Variants in PCDHGA7 observed in about 807,000 individuals in gnomAD.
The protein encoded by PCDHGA7 is protocadherin gamma subfamily A, 7.
In PCDHGA7, 44 loss-of-function variants were observed where a neutral mutation model predicts 58.3. The observed-to-expected ratio is 0.75, with a 90% CI of 0.59 to 0.97. The LOEUF is 0.97. Ranked by LOEUF, PCDHGA7 falls within the 50% of genes least tolerant of loss-of-function variation. The pLI is 0.00. For synonymous variants in PCDHGA7, 516 were observed against 504.2 expected (o/e 1.02, Z -0.31); for missense variants, 1,266 against 1,188.7 (o/e 1.06, Z -0.96).
intron 1 of PCDHGA7, chr5:141,392,892 G>A (rs2092623669): frequency 6.2e-7 from 1 of 1,613,702 alleles, no homozygotes; most frequent in Non-Finnish European, 8.5e-7. Context: ...GTGGGAAATC[G>A]GGAGGGGACA....
In PCDHGA7 at chr5:141,384,438, C is replaced by G. The variant is rs758290868; in HGVS notation, c.1539C>G (p.Val513=). The G allele has an allele frequency of 4.6e-5, 74 of 1,613,902 alleles. No homozygotes were observed. In the South Asian group the frequency reaches 7.5e-4, roughly 16 times the overall value. Reference sequence around the variant, plus strand: ...TCTCCATAAACTCTGACACTGGAGTCCTGTACGCGCTGCAATCCTTTGATT... The same window carrying G: ...TCTCCATAAACTCTGACACTGGAGTGCTGTACGCGCTGCAATCCTTTGATT... ...SYVSINSDTG[V]LYALQSFDYE... Residue 513 remains valine, a synonymous_variant, in exon 1 of 4, where the codon GTC becomes GTG. Coordinates refer to ENST00000518325, the MANE Select transcript of PCDHGA7 (RefSeq NM_018920.4).
intron 1 of PCDHGA7, chr5:141,398,931 C>G (rs1442157400): frequency 6.2e-7 from 1 of 1,613,956 alleles, no homozygotes; most frequent in Admixed American, 1.7e-5. Flanking sequence ...CAGCCACTGA[C>G]CAAGACGAGG....
intron 1 of PCDHGA7, among the ~76,000 whole-genome samples, chr5:141,483,310 A>G (rs2099579870): frequency 6.6e-6 from 1 of 152,156 alleles, no homozygotes; most frequent in African/African-American, 2.4e-5. Context: ...GACTGGGGAC[A>G]TTGGGACTGG....
chr5:141,407,125 T>C (rs1367266686), intron 1 of PCDHGA7, among the ~76,000 whole-genome samples: 1 of 152,254 alleles, frequency 6.6e-6, no homozygotes, highest in Non-Finnish European at 1.5e-5. Context: ...TTCAGTTGCT[T>C]TATTTTTAAG....
At chr5:141,433,066 C>A in intron 1 of PCDHGA7, 2 of 1,614,210 alleles carry the variant, frequency 1.2e-6, no homozygotes, top group Non-Finnish European at 1.7e-6. Context: ...GTCACCTGAT[C>A]TTCCCCCAGC....
chr5:141,499,457 T>G (rs1000400491), intron 2 of PCDHGA7, among the ~76,000 whole-genome samples: 1 of 152,214 alleles, frequency 6.6e-6, no homozygotes, highest in African/African-American at 2.4e-5. Context: ...CCCATCATTT[T>G]ACAATCTAGG....
chr5:141,501,299 AC>A (rs1446641380), intron 2 of PCDHGA7, among the ~76,000 whole-genome samples: 1 of 149,208 alleles, frequency 6.7e-6, no homozygotes, highest in African/African-American at 2.5e-5. Flanking sequence ...ATACACACAC[AC>A]ACACACACAC....
chr5:141,423,288 C>T, intron 1 of PCDHGA7: 1 of 1,586,414 alleles, frequency 6.3e-7, no homozygotes, highest in African/African-American at 1.3e-5. Context: ...ACTCTGAAAC[C>T]TCAGACCTCT....
In PCDHGA7 at chr5:141,491,244, T is replaced by G. The variant is rs754328211; in HGVS notation, c.2425-3563T>G. The G allele has an allele frequency of 6.2e-6, 10 of 1,614,092 alleles. No homozygotes were observed. The South Asian group carries it at 1.1e-4, about 18-fold the overall frequency. ...CCACAGTGCTGCTGGTTCTGGAGGA[T>G]GAGGACCCTGAGGAAATGCCCAAAT... On this transcript the variant is annotated intron_variant, in intron 1 of 3. Transcript: ENST00000518325. This position sits in a 1 kb window ranked among gnomAD's most constrained non-coding sequence, Gnocchi z 6.9.
intron 1 of PCDHGA7, chr5:141,413,019 C>T (rs1056458163): frequency 2.9e-6 from 2 of 683,106 alleles, no homozygotes; most frequent in Non-Finnish European, 4.7e-6. Flanking sequence ...ACTACACAAG[C>T]CCCACAAACC....
chr5:141,445,120 AT>A (rs1287463110), intron 1 of PCDHGA7, among the ~76,000 whole-genome samples: 1 of 152,228 alleles, frequency 6.6e-6, no homozygotes, highest in African/African-American at 2.4e-5. Flanking sequence ...TGTAAATAGT[AT>A]TTTTAAAATT....
At chr5:141,394,260 G>A (rs779006100) in intron 1 of PCDHGA7, 2 of 1,613,802 alleles carry the variant, frequency 1.2e-6, no homozygotes, top group African/African-American at 2.7e-5. Flanking sequence ...CGACAGCCAG[G>A]AGAATGCCCA....
chr5:141,478,657 G>A, intron 1 of PCDHGA7: 2 of 1,551,912 alleles, frequency 1.3e-6, no homozygotes, highest in Non-Finnish European at 1.7e-6. Flanking sequence ...TCCTGGTGAT[G>A]CATTCACACT....
intron 1 of PCDHGA7, among the ~76,000 whole-genome samples, chr5:141,397,293 A>T (rs1449132000): frequency 6.6e-6 from 1 of 152,220 alleles, no homozygotes; most frequent in African/African-American, 2.4e-5. Flanking sequence ...ACTTGAATGA[A>T]TATTTCCTGA....
intron 3 of PCDHGA7, chr5:141,508,179 AG>A (rs1250335236): frequency 1.3e-5 from 2 of 152,326 alleles, no homozygotes; most frequent in Non-Finnish European, 2.9e-5. Flanking sequence ...ACAGGAGAGA[AG>A]GCATCACCCC....
chr5:141,388,686 GA>G, intron 1 of PCDHGA7: 1 of 1,613,980 alleles, frequency 6.2e-7, no homozygotes, highest in Non-Finnish European at 8.5e-7. Context: ...GACTGCCACG[GA>G]CCAGGATGAG....
intron 2 of PCDHGA7, among the ~76,000 whole-genome samples, chr5:141,497,721 G>A (rs2099778948): frequency 6.6e-6 from 1 of 152,006 alleles, no homozygotes; most frequent in African/African-American, 2.4e-5. Flanking sequence ...TGTATTTTTA[G>A]TAGAGATGGG....
At chr5:141,499,029 A>AAGGAAGGAAGGAAGG (rs1562187768) in intron 2 of PCDHGA7, among the ~76,000 whole-genome samples, 10 of 139,968 alleles carry the variant, frequency 7.1e-5, no homozygotes, top group African/African-American at 2.8e-4. Context: ...AGGAAGGAAG[A>AAGGAAGGAAGGAAGG]AAAGAAAGAA....
intron 1 of PCDHGA7, among the ~76,000 whole-genome samples, chr5:141,467,954 C>T (rs1467826790): frequency 1.3e-5 from 2 of 152,070 alleles, no homozygotes; most frequent in Admixed American, 6.6e-5. Flanking sequence ...CCACCACACC[C>T]GGCTGCCAGA....
Sources: gnomAD v4.1 joint callset for allele counts (sites outside exome capture counted in the v4.1 genomes callset) on GRCh38, gnomAD v4.1.1 for gene constraint, Gnocchi (gnomAD v3.1) non-coding constraint, MANE v1.5 for transcripts, NCBI Gene and HGNC (gene_info 2026-07-23, HGNC 2026-07-21) for gene names.